The following IKZF1 variants were observed in gnomAD, a reference collection of about 807,000 sequenced individuals.
The protein encoded by IKZF1 is DNA-binding protein Ikaros.
IKZF1 carries 10 observed loss-of-function variants against 51.7 expected under a neutral mutation model. That is an observed-to-expected ratio of 0.19 (90% CI 0.12 to 0.33). IKZF1 has a LOEUF of 0.33. Among genes scored for constraint, IKZF1 ranks in the 10% least tolerant of loss-of-function variants. The pLI is 1.00. For missense variants in IKZF1, 484 were observed against 707.5 expected (o/e 0.68, Z 3.58); for synonymous variants, 280 against 282.3 (o/e 0.99, Z 0.08).
intron 1 of IKZF1, among the ~76,000 whole-genome samples, chr7:50,314,822 C>T (rs1791096776): frequency 2.0e-5 from 3 of 152,250 alleles, no homozygotes; most frequent in South Asian, 2.1e-4. Context: ...GAGTTCACTT[C>T]CCAGCCAGTC....
chr7:50,358,439 C>T (rs1445868752), intron 3 of IKZF1, among the ~76,000 whole-genome samples: 1 of 152,236 alleles, frequency 6.6e-6, no homozygotes, highest in African/African-American at 2.4e-5. Flanking sequence ...GGGCAGCCAG[C>T]ATTTCCTGAG....
intron 7 of IKZF1, among the ~76,000 whole-genome samples, chr7:50,399,307 GTTAT>G (rs2153516507): frequency 6.6e-6 from 1 of 151,700 alleles, no homozygotes; most frequent in African/African-American, 2.4e-5. Flanking sequence ...CTACCTTTGG[GTTAT>G]TTGTCAAAAA....
At chr7:50,370,604 A>C (rs964795910) in intron 3 of IKZF1, among the ~76,000 whole-genome samples, 2 of 152,220 alleles carry the variant, frequency 1.3e-5, no homozygotes, top group Non-Finnish European at 2.9e-5. Context: ...AGCATCTGGG[A>C]AGGAAAGCAG....
At position 50,403,772 on chromosome 7, in the gene IKZF1, A is replaced by T. The variant is rs928013445; in HGVS notation, c.*3145A>T. ...CTTCCTTGAGAAAGAGCTGCCTGAG[A>T]TGTAGTTTTGTTATATGGTTCCCCA... On this transcript the variant is annotated 3_prime_UTR_variant, in exon 8 of 8. Transcript: ENST00000331340. The T allele has an allele frequency of 1.8e-5, 4 of 227,834 alleles. No individual in the cohort carries two copies. The highest frequency in any genetic ancestry group is 3.5e-5 in the Non-Finnish European group (4 of 114,446). 14.1% of individuals were successfully genotyped at this position (227,834 alleles called of 1,614,324 possible).
At chr7:50,342,838 G>A (rs955494143) in intron 3 of IKZF1, among the ~76,000 whole-genome samples, 3 of 152,168 alleles carry the variant, frequency 2.0e-5, no homozygotes, top group Admixed American at 6.5e-5. Flanking sequence ...GCTGCTAACC[G>A]CTGCTCTTCC....
intron 3 of IKZF1, among the ~76,000 whole-genome samples, chr7:50,341,345 G>A (rs897602264): frequency 5.3e-4 from 80 of 152,100 alleles, no homozygotes; most frequent in African/African-American, 1.9e-3. Flanking sequence ...GTTTCACCAC[G>A]TTGACCAGGC....
intron 7 of IKZF1, among the ~76,000 whole-genome samples, chr7:50,398,022 A>G (rs114809449): frequency 0.013 from 2,019 of 152,332 alleles, 44 homozygotes; most frequent in African/African-American, 0.044. Context: ...ACAATTCTTA[A>G]TGGTCACAGA....
At chr7:50,374,749 G>A (rs1809739071) in intron 3 of IKZF1, among the ~76,000 whole-genome samples, 1 of 152,158 alleles carries the variant, frequency 6.6e-6, no homozygotes, top group Non-Finnish European at 1.5e-5. Context: ...CATGGATGAG[G>A]AAATCAAGGC....
chr7:50,361,133 C>G (rs1013710185), intron 3 of IKZF1, among the ~76,000 whole-genome samples: 1 of 152,206 alleles, frequency 6.6e-6, no homozygotes, highest in East Asian at 1.9e-4. Flanking sequence ...TCCTCCAGCC[C>G]TCTTAGTTTT....
chr7:50,382,738 C>G (rs746967015), intron 5 of IKZF1, 31 bp downstream of exon 5: 2 of 1,581,388 alleles, frequency 1.3e-6, no homozygotes, highest in East Asian at 4.5e-5. Flanking sequence ...CCGGGGCTGT[C>G]TGGGTGTCCC....
intron 3 of IKZF1, among the ~76,000 whole-genome samples, chr7:50,344,712 A>G (rs1480066867): frequency 1.3e-5 from 2 of 152,214 alleles, no homozygotes; most frequent in Admixed American, 6.5e-5. Flanking sequence ...TGCAGTGTTA[A>G]AAGTAGAAAA....
At chr7:50,367,364 A>G (rs1807258867) in intron 3 of IKZF1, among the ~76,000 whole-genome samples, 1 of 152,228 alleles carries the variant, frequency 6.6e-6, no homozygotes, top group Non-Finnish European at 1.5e-5. Context: ...AGAATCTACC[A>G]AATCTTAAGA....
chr7:50,355,255 A>C (rs1463443008), intron 3 of IKZF1, among the ~76,000 whole-genome samples: 10 of 152,192 alleles, frequency 6.6e-5, no homozygotes, highest in African/African-American at 2.4e-4. Flanking sequence ...GAAGTTCTGG[A>C]TTTAGTACCC....
chr7:50,346,954 G>A (rs1381207287), intron 3 of IKZF1, among the ~76,000 whole-genome samples: 2 of 152,176 alleles, frequency 1.3e-5, no homozygotes, highest in Admixed American at 6.5e-5. Context: ...TTGCAGCCAC[G>A]ACCCATGTTA....
chr7:50,357,939 C>T (rs919533605), intron 3 of IKZF1, among the ~76,000 whole-genome samples: 2 of 152,028 alleles, frequency 1.3e-5, no homozygotes, highest in African/African-American at 2.4e-5. Flanking sequence ...ATTTGTAAAG[C>T]GGGGGTGATA....
intron 7 of IKZF1, 113 bp downstream of exon 7, chr7:50,391,976 G>T: frequency 7.2e-7 from 1 of 1,384,910 alleles, no homozygotes; most frequent in Non-Finnish European, 9.5e-7. Context: ...TTTTTCAAAA[G>T]GAAAAATTGG....
At chr7:50,369,334 T>C (rs2153457659) in intron 3 of IKZF1, 1 of 392,954 alleles carries the variant, frequency 2.5e-6, no homozygotes, top group Non-Finnish European at 4.5e-6. Context: ...CCAGAGCATA[T>C]GTTGAAGCAG....
intron 3 of IKZF1, among the ~76,000 whole-genome samples, chr7:50,339,006 C>T (rs1798428737): frequency 6.6e-6 from 1 of 152,206 alleles, no homozygotes; most frequent in African/African-American, 2.4e-5. Flanking sequence ...TGCGGAAAAT[C>T]TGCCAGGTTG....
At chr7:50,313,706 A>G (rs1337179566) in intron 1 of IKZF1, among the ~76,000 whole-genome samples, 1 of 152,236 alleles carries the variant, frequency 6.6e-6, no homozygotes, top group African/African-American at 2.4e-5. Context: ...TCTCTCATCT[A>G]TAAAATGGAG....
Sources: allele counts gnomAD v4.1 joint callset (sites outside exome capture counted in the v4.1 genomes callset), GRCh38; gene constraint gnomAD v4.1.1; transcripts MANE v1.5; gene names NCBI Gene and HGNC (gene_info 2026-07-23, HGNC 2026-07-21).